The following DAPP1 variants were observed in gnomAD, a reference collection of about 807,000 sequenced individuals.
DAPP1 encodes dual adapter for phosphotyrosine and 3-phosphotyrosine and 3-phosphoinositide.
DAPP1 carries 20 observed loss-of-function variants against 41.5 expected under a neutral mutation model. The ratio of observed to expected loss-of-function variants is 0.48; its 90% confidence interval spans 0.34 to 0.70. The LOEUF (loss-of-function observed/expected upper bound fraction) is 0.70, where lower values mean the gene tolerates loss of function less well. DAPP1 is among the 30% of genes least tolerant of loss of function. DAPP1 has a pLI of 0.01. For missense variants in DAPP1, 233 were observed against 333.4 expected (o/e 0.70, Z 2.35); for synonymous variants, 113 against 116.2 (o/e 0.97, Z 0.18).
chr4:99,853,066 C>T (rs565345360), intron 3 of DAPP1, among the ~76,000 whole-genome samples, 152 bp from the exon 4 acceptor site: 12 of 152,232 alleles, frequency 7.9e-5, no homozygotes, highest in African/African-American at 2.9e-4. Context: ...GTGCCTTATA[C>T]CTAATTGGTA....
chr4:99,866,766 ATTTTTTTT>A (rs11315402), intron 8 of DAPP1: 12 of 372,450 alleles, frequency 3.2e-5, no homozygotes, highest in Non-Finnish European at 4.1e-5. Context: ...CTTTTTTTCT[ATTTTTTTT>A]TTTTTTTTTT....
intron 3 of DAPP1, among the ~76,000 whole-genome samples, chr4:99,843,347 A>G (rs1166421278): frequency 6.6e-6 from 1 of 152,248 alleles, no homozygotes; most frequent in African/African-American, 2.4e-5. Context: ...TTTGCACTCA[A>G]AATAGATAAA....
At chr4:99,853,614 G>C (rs1487648284) in intron 4 of DAPP1, among the ~76,000 whole-genome samples, 1 of 152,144 alleles carries the variant, frequency 6.6e-6, no homozygotes, top group Non-Finnish European at 1.5e-5. Flanking sequence ...TTGAGCCCAG[G>C]AGTTGGAGAC....
chr4:99,828,380 G>A (rs1009716779), intron 1 of DAPP1, among the ~76,000 whole-genome samples: 4 of 152,060 alleles, frequency 2.6e-5, no homozygotes, highest in African/African-American at 7.2e-5. Context: ...TTTTTTGTGC[G>A]TCTTTGTGAC....
In DAPP1 at chr4:99,868,149, A is replaced by C. The variant is rs745376074; in HGVS notation, c.807A>C (p.Glu269Asp). The C allele has an allele frequency of 1.9e-6, 3 of 1,613,974 alleles. No homozygotes were observed. In the South Asian group the frequency reaches 3.3e-5, roughly 18 times the overall value. The change falls in exon 9 of 9, where the codon GAA (glutamate) becomes GAC (aspartate). Residue 269 changes from glutamate (E) to aspartate (D), a missense_variant. Glu to Asp is a conservative substitution (Grantham distance 45). Coordinates refer to ENST00000512369, the MANE Select transcript of DAPP1 (RefSeq NM_014395.3). ...TAAGAAAACAGCTCAACCAAGGGGA[A>C]GGCACGATCCGATCTCGGTCGTTCA... is the stretch of plus-strand genomic sequence containing the variant. ...SQIRKQLNQG[E>D]GTIRSRSFIF...
intron 1 of DAPP1, among the ~76,000 whole-genome samples, chr4:99,829,472 C>T (rs1723047897): frequency 6.6e-6 from 1 of 151,632 alleles, no homozygotes; most frequent in African/African-American, 2.4e-5. Flanking sequence ...AAGAGTGAAA[C>T]TCCGTCTCAA....
At chr4:99,870,394 C>G (rs778879588), downstream of DAPP1, among the ~76,000 whole-genome samples, 1 of 151,528 alleles carries the variant, frequency 6.6e-6, no homozygotes. Flanking sequence ...TAAATAAGAT[C>G]ATTACTGTAA....
intron 5 of DAPP1, among the ~76,000 whole-genome samples, chr4:99,862,708 G>A (rs1392928559): frequency 6.7e-6 from 1 of 149,020 alleles, no homozygotes; most frequent in South Asian, 2.1e-4. Flanking sequence ...ATATACTAAT[G>A]ATATATCTGC....
intron 4 of DAPP1, among the ~76,000 whole-genome samples, chr4:99,857,707 C>T (rs754773832): frequency 0.026 from 3,225 of 123,222 alleles, 52 homozygotes; most frequent in African/African-American, 0.045. Context: ...TATATACACA[C>T]ACACACACAC....
At chr4:99,827,527 C>T (rs747279365) in intron 1 of DAPP1, among the ~76,000 whole-genome samples, 29 of 130,702 alleles carry the variant, frequency 2.2e-4, no homozygotes, top group South Asian at 7.3e-4. Context: ...AGTCAGACTA[C>T]GTCTCAAAAA....
chr4:99,864,029 C>A, intron 7 of DAPP1, 174 bp downstream of exon 7: 1 of 512,712 alleles, frequency 2.0e-6, no homozygotes, highest in East Asian at 3.5e-5. Context: ...TTTAAAGTAG[C>A]TTAAACAAAC....
intron 1 of DAPP1, among the ~76,000 whole-genome samples, chr4:99,827,791 T>C (rs1328654647): frequency 6.6e-6 from 1 of 152,158 alleles, no homozygotes; most frequent in Admixed American, 6.5e-5. Context: ...TGAAAGGTTT[T>C]CAGATGAGAT....
intron 3 of DAPP1, among the ~76,000 whole-genome samples, chr4:99,851,439 C>T (rs1442140475): frequency 6.6e-6 from 1 of 152,002 alleles, no homozygotes; most frequent in Admixed American, 6.6e-5. Flanking sequence ...TACAGCAGCA[C>T]CTTATCTGGG....
At chr4:99,827,569 C>CAAAAAAAAAAAAAAAA (rs1722980866) in intron 1 of DAPP1, among the ~76,000 whole-genome samples, 1 of 146,878 alleles carries the variant, frequency 6.8e-6, no homozygotes, top group Admixed American at 6.8e-5. Flanking sequence ...CAAAAAACAC[C>CAAAAAAAAAAAAAAAA]ATCACACTTA....
At chr4:99,859,234 A>G (rs1198214618) in intron 4 of DAPP1, among the ~76,000 whole-genome samples, 1 of 152,058 alleles carries the variant, frequency 6.6e-6, no homozygotes, top group African/African-American at 2.4e-5. Context: ...AAATTCTTTT[A>G]AGAACTTTCT....
chr4:99,840,045 G>A (rs562121137), intron 2 of DAPP1, among the ~76,000 whole-genome samples: 1 of 152,306 alleles, frequency 6.6e-6, no homozygotes, highest in South Asian at 2.1e-4. Context: ...CTGGGGGACA[G>A]AGCAAGACTC....
chr4:99,842,275 C>G (rs1177395871), intron 3 of DAPP1, among the ~76,000 whole-genome samples: 4 of 152,246 alleles, frequency 2.6e-5, no homozygotes, highest in Non-Finnish European at 5.9e-5. Flanking sequence ...AAAACTCAAA[C>G]CTGCTGTATT....
chr4:99,844,371 T>C (rs1232860469), intron 3 of DAPP1: 1 of 152,230 alleles, frequency 6.6e-6, no homozygotes, highest in Non-Finnish European at 1.5e-5. Flanking sequence ...TATTCATGTC[T>C]GTGCATGAAC....
intron 1 of DAPP1, among the ~76,000 whole-genome samples, chr4:99,834,212 G>C (rs760759964): frequency 6.6e-6 from 1 of 152,154 alleles, no homozygotes; most frequent in South Asian, 2.1e-4. Context: ...AATAATGCTC[G>C]TATGTTTGTA....
Sources: gnomAD v4.1 joint callset for allele counts (sites outside exome capture counted in the v4.1 genomes callset) on GRCh38, gnomAD v4.1.1 for gene constraint, MANE v1.5 for transcripts, NCBI Gene and HGNC (gene_info 2026-07-23, HGNC 2026-07-21) for gene names.